Variants in HOXD3 observed in about 807,000 individuals in gnomAD.
HOXD3 encodes the protein homeobox D3.
In HOXD3, 13 loss-of-function variants were observed where a neutral mutation model predicts 32.8. That is an observed-to-expected ratio of 0.40 (90% CI 0.26 to 0.63). The LOEUF is 0.63. Among genes scored for constraint, HOXD3 ranks in the 20% least tolerant of loss-of-function variants. HOXD3 has a pLI of 0.44. For missense variants in HOXD3, 504 were observed against 577.1 expected (o/e 0.87, Z 1.30); for synonymous variants, 241 against 246.8 (o/e 0.98, Z 0.22).
chr2:176,161,285 T>C (rs981208521), intron 1 of HOXD3, among the ~76,000 whole-genome samples: 1 of 152,112 alleles, frequency 6.6e-6, no homozygotes, highest in Admixed American at 6.5e-5. Flanking sequence ...TGTGGGGACG[T>C]TCCCCGCCTA....
At chr2:176,159,395 A>T (rs544506165) in intron 1 of HOXD3, among the ~76,000 whole-genome samples, 24 of 152,194 alleles carry the variant, frequency 1.6e-4, no homozygotes, top group Non-Finnish European at 3.4e-4. Flanking sequence ...GATGCGGTGG[A>T]CCTTACCCAC....
chr2:176,169,426 C>T lies in HOXD3; in HGVS notation c.312C>T (p.Gly104=), dbSNP rs781487469. 15 of 1,613,378 alleles carry T rather than the reference C, an allele frequency of 9.3e-6. No homozygotes were observed. Among genetic ancestry groups the T allele is most frequent in the Non-Finnish European group, 1.3e-5 (15 of 1,179,748 alleles). ...GTGNSQGGGG[G]SQPPGLNSEQ... is the part of the protein sequence containing the mutation. ...GGAACAGCCAGGGTGGGGGTGGTGG[C>T]AGCCAGCCTCCTGGTCTGAACTCAG... is the stretch of plus-strand genomic sequence containing the variant. Residue 104 remains glycine, a synonymous_variant, in exon 3 of 4, where the codon GGC becomes GGT. Coordinates refer to ENST00000683222, the MANE Select transcript of HOXD3 (RefSeq NM_006898.5).
At chr2:176,165,194 G>C (rs763343322) in intron 2 of HOXD3, 1 of 152,230 alleles carries the variant, frequency 6.6e-6, no homozygotes, top group African/African-American at 2.4e-5. Flanking sequence ...TTACCGAAGC[G>C]TTTACTGCCG....
In HOXD3 at chr2:176,171,500, TCTCC is replaced by T; in HGVS notation, c.542-10_542-7del. 1 of 1,561,216 alleles carries T rather than the reference TCTCC, an allele frequency of 6.4e-7. No individual in the cohort carries two copies. Among genetic ancestry groups the T allele is most frequent in the Non-Finnish European group, 8.7e-7 (1 of 1,152,538 alleles). On this transcript the variant is annotated splice_polypyrimidine_tract_variant and intron_variant, in intron 3 of 3. Coordinates refer to ENST00000683222, the MANE Select transcript of HOXD3 (RefSeq NM_006898.5). Reference sequence around the variant, plus strand: ...ACCCACTCGCTCAGCGCCCTCCCTCTCTCCCTCCCTGCCCAGGAGAGAGCTGCGA... The same window carrying T: ...ACCCACTCGCTCAGCGCCCTCCCTCTCTCCCTGCCCAGGAGAGAGCTGCGA...
At chr2:176,163,915 T>G (rs1690886092) in intron 1 of HOXD3, 158 bp from the exon 2 acceptor site, 2 of 152,132 alleles carry the variant, frequency 1.3e-5, no homozygotes, top group African/African-American at 2.4e-5. Context: ...GCCAACTGAG[T>G]CTGTGTTTTG....
intron 2 of HOXD3, among the ~76,000 whole-genome samples, chr2:176,167,314 TATTTATA>T: frequency 6.6e-6 from 1 of 152,218 alleles, no homozygotes; most frequent in Non-Finnish European, 1.5e-5. Context: ...CAATAATATC[TATTTATA>T]CAATAGATCC....
In HOXD3 at chr2:176,162,337, C is replaced by T. The variant is rs147672623; in HGVS notation, c.-180-1736C>T. Among the ~76,000 whole-genome samples, 313 of 152,304 alleles carry T rather than the reference C, an allele frequency of 2.1e-3. 1 individual carries two copies. The highest frequency in any genetic ancestry group is 7.2e-3 in the African/African-American group (298 of 41,546). ...CCCCGAAAATTTCAATAATCCCTACCAAGGCTCCACGCTGGCCCTATCCTA... is the reference window on the plus strand; with the variant it reads ...CCCCGAAAATTTCAATAATCCCTACTAAGGCTCCACGCTGGCCCTATCCTA... On this transcript the variant is annotated intron_variant, in intron 1 of 3. Transcript: ENST00000683222.
chr2:176,165,826 A>T (rs1690955228), intron 2 of HOXD3: 1 of 152,132 alleles, frequency 6.6e-6, no homozygotes, highest in African/African-American at 2.4e-5. Flanking sequence ...AAAGGCTTTA[A>T]AAAAAGGGTG....
chr2:176,171,408 G>A (rs1691174725), intron 3 of HOXD3, 109 bp from the exon 4 acceptor site: 1 of 1,010,110 alleles, frequency 9.9e-7, no homozygotes, highest in Non-Finnish European at 1.4e-6. Context: ...AGCCAGGATT[G>A]GAGGTGGGGG....
upstream of HOXD3, among the ~76,000 whole-genome samples, chr2:176,154,830 G>A (rs1241975856): frequency 1.3e-5 from 2 of 152,186 alleles, no homozygotes; most frequent in Non-Finnish European, 2.9e-5. Context: ...TATTAAAGAT[G>A]GATATTCGTG....
In HOXD3 at chr2:176,169,238, G is replaced by A. The variant is rs138422926; in HGVS notation, c.124G>A (p.Gly42Ser). ...YGYSKTTDTY[G>S]YSTPHQPYPP... is the part of the protein sequence containing the mutation. Reference sequence around the variant, plus strand: ...CTACAGCAAAACTACGGACACTTACGGCTACAGCACCCCCCACCAGCCCTA... The same window carrying A: ...CTACAGCAAAACTACGGACACTTACAGCTACAGCACCCCCCACCAGCCCTA... Residue 42 changes from glycine to serine, a missense_variant, in exon 3 of 4, where the codon GGC (glycine) becomes AGC (serine). Coordinates refer to ENST00000683222, the MANE Select transcript of HOXD3 (RefSeq NM_006898.5). 431 of 1,613,994 alleles carry A rather than the reference G, an allele frequency of 2.7e-4. 2 individuals are homozygous for A. The African/African-American group carries it at 4.9e-3, about 18-fold the overall frequency.
chr2:176,157,986 TG>T (rs1690685333), intron 1 of HOXD3, among the ~76,000 whole-genome samples: 1 of 152,172 alleles, frequency 6.6e-6, no homozygotes, highest in African/African-American at 2.4e-5. Context: ...AATTTTTCTT[TG>T]CGTCATAATA....
At position 176,172,276 on chromosome 2, in the gene HOXD3, GGCCGCC is replaced by G; in HGVS notation, c.*6_*11del. On this transcript the variant is annotated 3_prime_UTR_variant, in exon 4 of 4. Coordinates refer to ENST00000683222, the MANE Select transcript of HOXD3 (RefSeq NM_006898.5). ...GCTCCCAAACTGACGCATCTGTAGC[GGCCGCC>G]GCCAGCCCGAACTCGCGGCAAAATT... 6.3e-7 allele frequency: 1 copy of G among 1,587,582 alleles called. No homozygotes were observed. Among genetic ancestry groups the G allele is most frequent in the Non-Finnish European group, 8.5e-7 (1 of 1,170,176 alleles).
At chr2:176,153,599 G>A (rs1188453315), upstream of HOXD3, among the ~76,000 whole-genome samples, 1 of 152,106 alleles carries the variant, frequency 6.6e-6, no homozygotes, top group Non-Finnish European at 1.5e-5. Flanking sequence ...ACACCTTCAT[G>A]CCAAAAATCT....
chr2:176,153,874 G>A (rs1408934530), upstream of HOXD3, among the ~76,000 whole-genome samples: 1 of 152,236 alleles, frequency 6.6e-6, no homozygotes, highest in African/African-American at 2.4e-5. Context: ...TCCTTCTGGG[G>A]AAAGAAAACA....
At chr2:176,152,568 C>T, upstream of HOXD3, 2 of 1,552,588 alleles carry the variant, frequency 1.3e-6, no homozygotes, top group Non-Finnish European at 8.9e-7. This position sits in a 1 kb window ranked among gnomAD's most constrained non-coding sequence, Gnocchi z 5.2. Flanking sequence ...AACTAGTGGC[C>T]GGGCGCTGAC....
chr2:176,171,370 T>C, intron 3 of HOXD3, 147 bp from the exon 4 acceptor site: 1 of 729,618 alleles, frequency 1.4e-6, no homozygotes. Context: ...CTTGGAATCA[T>C]ACCTCTCAAA....
At chr2:176,169,807 G>T in intron 3 of HOXD3, 152 bp downstream of exon 3, 2 of 964,466 alleles carry the variant, frequency 2.1e-6, no homozygotes, top group Admixed American at 2.8e-5. Context: ...CCTGATTGGG[G>T]TCATGACCTT....
chr2:176,161,893 C>T (rs1690816143), intron 1 of HOXD3, among the ~76,000 whole-genome samples: 1 of 152,224 alleles, frequency 6.6e-6, no homozygotes, highest in South Asian at 2.1e-4. Context: ...TACTTGCTCC[C>T]TGTGGCTACT....
Sources: allele counts gnomAD v4.1 joint callset (sites outside exome capture counted in the v4.1 genomes callset), GRCh38; gene constraint gnomAD v4.1.1; non-coding constraint Gnocchi (gnomAD v3.1); transcripts MANE v1.5; gene names NCBI Gene and HGNC (gene_info 2026-07-23, HGNC 2026-07-21).